The following VTI1A variants were observed in gnomAD, a reference collection of about 807,000 sequenced individuals.
The protein encoded by VTI1A is vesicle transport through interaction with t-SNAREs homolog 1A.
A neutral mutation model predicts 34.9 loss-of-function variants in VTI1A; 22 were observed. That is an observed-to-expected ratio of 0.63 (90% CI 0.45 to 0.90). The LOEUF is 0.90. VTI1A is among the 40% of genes least tolerant of loss of function. The pLI, the probability that VTI1A is intolerant of heterozygous loss-of-function variation, is 0.00. For missense variants in VTI1A, 268 were observed against 275.6 expected (o/e 0.97, Z 0.20); for synonymous variants, 87 against 97.3 (o/e 0.89, Z 0.62).
chr10:112,529,447 C>CA (rs1458407728), intron 4 of VTI1A, among the ~76,000 whole-genome samples: 37 of 152,038 alleles, frequency 2.4e-4, no homozygotes, highest in Admixed American at 5.2e-4. Flanking sequence ...AATATGGAGT[C>CA]AAAACGGAAG....
intron 7 of VTI1A, among the ~76,000 whole-genome samples, chr10:112,670,517 C>T (rs946189874): frequency 4.6e-5 from 7 of 152,116 alleles, no homozygotes; most frequent in Non-Finnish European, 8.8e-5. Context: ...TATTTCTGTC[C>T]ATGTTTCTGC....
chr10:112,787,698 C>CTTTTTTTTTTTTT (rs34862909), intron 7 of VTI1A, among the ~76,000 whole-genome samples: 44 of 103,244 alleles, frequency 4.3e-4, no homozygotes, highest in African/African-American at 7.0e-4. Context: ...TTTTTCTTTT[C>CTTTTTTTTTTTTT]TTTTTTTTTT....
intron 5 of VTI1A, among the ~76,000 whole-genome samples, chr10:112,660,375 G>A (rs1847404357): frequency 1.3e-5 from 2 of 152,222 alleles, no homozygotes; most frequent in Non-Finnish European, 2.9e-5. Flanking sequence ...TGGGATTACA[G>A]GCGTGAGCCA....
At chr10:112,463,897 G>A (rs1847811762) in intron 2 of VTI1A, among the ~76,000 whole-genome samples, 1 of 152,196 alleles carries the variant, frequency 6.6e-6, no homozygotes, top group Admixed American at 6.5e-5. Context: ...GAGGTTAATG[G>A]TCAGAAGACA....
chr10:112,567,557 T>C (rs1169231011), intron 5 of VTI1A, among the ~76,000 whole-genome samples: 1 of 152,206 alleles, frequency 6.6e-6, no homozygotes, highest in African/African-American at 2.4e-5. Flanking sequence ...TTTCTTAGTA[T>C]ATTTTATGTA....
rs10682533 is a variant in VTI1A at position 112,537,311 on chromosome 10, G to GTATATATA, written c.343-915_343-908dup. Among the ~76,000 whole-genome samples the GTATATATA allele has an allele frequency of 7.6e-3, 494 of 65,232 alleles. 26 individuals carry two copies. The highest frequency in any genetic ancestry group is 0.024 in the Middle Eastern group (2 of 82). The allele number at this position is 65,232 out of a possible 152,430, so 42.8% of individuals were successfully genotyped here. Reference sequence around the variant, plus strand: ...CATTTATATATTTCTAAGTATCTAGGTATATATATATATATATATATATAT... The same window carrying GTATATATA: ...CATTTATATATTTCTAAGTATCTAGGTATATATATATATATATATATATATATATATAT... On this transcript the variant is annotated intron_variant, in intron 4 of 7. Coordinates refer to ENST00000393077, the MANE Select transcript of VTI1A (RefSeq NM_145206.4).
At chr10:112,491,464 T>C (rs1848817720) in intron 3 of VTI1A, among the ~76,000 whole-genome samples, 1 of 152,224 alleles carries the variant, frequency 6.6e-6, no homozygotes, top group African/African-American at 2.4e-5. Flanking sequence ...TGAGATGTGA[T>C]TCTTTTTAAG....
At chr10:112,783,838 C>CGGTCCCCA (rs1279960934) in intron 7 of VTI1A, among the ~76,000 whole-genome samples, 2 of 152,200 alleles carry the variant, frequency 1.3e-5, no homozygotes, top group Non-Finnish European at 2.9e-5. Context: ...CTGGCTCTCC[C>CGGTCCCCA]GGTCCCCAGA....
At chr10:112,658,471 A>G (rs1465805397) in intron 5 of VTI1A, among the ~76,000 whole-genome samples, 1 of 152,108 alleles carries the variant, frequency 6.6e-6, no homozygotes. Flanking sequence ...ACTTGACCAT[A>G]TTTTTAAGTT....
intron 7 of VTI1A, among the ~76,000 whole-genome samples, chr10:112,689,946 G>A (rs1848557818): frequency 6.6e-6 from 1 of 152,030 alleles, no homozygotes; most frequent in South Asian, 2.1e-4. Flanking sequence ...CTGCCACAGA[G>A]AGCCACTGAT....
chr10:112,706,892 A>G (rs1261074406), intron 7 of VTI1A, among the ~76,000 whole-genome samples: 3 of 152,160 alleles, frequency 2.0e-5, no homozygotes, highest in African/African-American at 7.2e-5. Context: ...GGTTTTTTTC[A>G]TACACTCAAC....
chr10:112,773,233 G>C (rs1385334321), intron 7 of VTI1A, among the ~76,000 whole-genome samples: 3 of 152,166 alleles, frequency 2.0e-5, no homozygotes, highest in African/African-American at 7.2e-5. Flanking sequence ...TCTAAGGTAG[G>C]ATAATAATAC....
chr10:112,736,067 T>G (rs937724178), intron 7 of VTI1A, among the ~76,000 whole-genome samples: 1 of 146,350 alleles, frequency 6.8e-6, no homozygotes, highest in South Asian at 2.1e-4. Context: ...ATAATATATT[T>G]TATATTTTTA....
chr10:112,653,590 A>G (rs1847117610), intron 5 of VTI1A, among the ~76,000 whole-genome samples: 1 of 152,238 alleles, frequency 6.6e-6, no homozygotes, highest in Non-Finnish European at 1.5e-5. Flanking sequence ...AATGGGATTA[A>G]TAATAATCGA....
At chr10:112,799,345 C>T (rs570259702) in intron 7 of VTI1A, among the ~76,000 whole-genome samples, 1 of 152,330 alleles carries the variant, frequency 6.6e-6, no homozygotes, top group African/African-American at 2.4e-5. Context: ...CTTTCTTTGG[C>T]CATCCAGTGT....
intron 7 of VTI1A, among the ~76,000 whole-genome samples, chr10:112,799,868 G>A (rs946671985): frequency 8.5e-5 from 13 of 152,280 alleles, no homozygotes; most frequent in Middle Eastern, 3.4e-3. Context: ...AGCCACAGCA[G>A]GGCACCCCTC....
intron 5 of VTI1A, among the ~76,000 whole-genome samples, chr10:112,596,541 A>G (rs1287181644): frequency 3.3e-5 from 5 of 152,134 alleles, no homozygotes; most frequent in Admixed American, 2.6e-4. Context: ...AATTCTGGCT[A>G]TTTCTTAGTG....
At chr10:112,736,678 G>A (rs1210312824) in intron 7 of VTI1A, 3 of 1,551,258 alleles carry the variant, frequency 1.9e-6, no homozygotes, top group Non-Finnish European at 1.7e-6. Context: ...AGCAATGAGG[G>A]ATGGTGAGAA....
chr10:112,528,968 A>G (rs765245087), intron 4 of VTI1A, among the ~76,000 whole-genome samples: 6 of 152,078 alleles, frequency 3.9e-5, no homozygotes, highest in Non-Finnish European at 7.4e-5. Flanking sequence ...CCTAAAGAAA[A>G]CTGTTCCACA....
Sources: allele counts gnomAD v4.1 joint callset (sites outside exome capture counted in the v4.1 genomes callset), GRCh38; gene constraint gnomAD v4.1.1; transcripts MANE v1.5; gene names NCBI Gene and HGNC (gene_info 2026-07-23, HGNC 2026-07-21).